Variants in DLG2 observed in about 807,000 individuals in gnomAD.
DLG2 encodes discs large MAGUK scaffold protein 2.
In DLG2, 45 loss-of-function variants were observed where a neutral mutation model predicts 132.5. That is an observed-to-expected ratio of 0.34 (90% CI 0.27 to 0.44). The LOEUF (loss-of-function observed/expected upper bound fraction) is 0.44, where lower values mean the gene tolerates loss of function less well. DLG2 is among the 20% of genes least tolerant of loss of function. DLG2 has a pLI of 1.00. For missense variants in DLG2, 1,045 were observed against 1,196.9 expected, an observed-to-expected ratio of 0.87 and a Z score of 1.87; for synonymous variants, 424 against 419.6, an observed-to-expected ratio of 1.01 and a Z score of -0.13.
intron 6 of DLG2, among the ~76,000 whole-genome samples, chr11:84,657,668 G>T (rs540488011): frequency 2.6e-5 from 4 of 152,076 alleles, no homozygotes; most frequent in Admixed American, 2.6e-4. Flanking sequence ...ATCTAATGCC[G>T]TTGTTAATCT....
intron 6 of DLG2, among the ~76,000 whole-genome samples, chr11:84,947,832 T>A (rs10898336): frequency 0.71 from 108,687 of 152,094 alleles, 39,973 homozygotes; most frequent in East Asian, 0.95. Flanking sequence ...TTTACTCTCA[T>A]AAGTGTCCTT....
At chr11:83,869,689 T>G (rs535878712) in intron 16 of DLG2, among the ~76,000 whole-genome samples, 7 of 152,170 alleles carry the variant, frequency 4.6e-5, no homozygotes, top group Non-Finnish European at 4.4e-5. Context: ...TTGGGAGACA[T>G]TTTTGGTGGG....
intron 8 of DLG2, among the ~76,000 whole-genome samples, chr11:84,247,886 A>G (rs761295840): frequency 7.9e-5 from 12 of 152,170 alleles, no homozygotes; most frequent in Non-Finnish European, 1.3e-4. Flanking sequence ...CTTGCAATGA[A>G]ATTATTTTTT....
At chr11:84,901,454 A>G (rs2090873789) in intron 6 of DLG2, among the ~76,000 whole-genome samples, 1 of 152,122 alleles carries the variant, frequency 6.6e-6, no homozygotes, top group Non-Finnish European at 1.5e-5. Context: ...CCACACATTC[A>G]ATATTCAATC....
In DLG2 at chr11:84,965,810, C is replaced by T. The variant is rs557191590; in HGVS notation, c.357+145851G>A. ...AAATAGGAGAACACGGGGAGATCGG[C>T]GCCTAAAAAAGGGCCTCTTATCTAA... On this transcript the variant is annotated intron_variant, in intron 6 of 27. Coordinates refer to ENST00000376104, the MANE Select transcript of DLG2 (RefSeq NM_001142699.3). Among the ~76,000 whole-genome samples, 50 of 152,028 alleles carry T rather than the reference C, an allele frequency of 3.3e-4. No individual in the cohort carries two copies. The South Asian group carries it at 3.7e-3, about 11-fold the overall frequency.
intron 4 of DLG2, among the ~76,000 whole-genome samples, chr11:85,224,707 A>G (rs2074869984): frequency 6.6e-6 from 1 of 152,180 alleles, no homozygotes; most frequent in Non-Finnish European, 1.5e-5. Context: ...TAATAAATCA[A>G]AATTTCTTTT....
At chr11:84,836,703 A>G (rs1379994729) in intron 6 of DLG2, among the ~76,000 whole-genome samples, 2 of 151,856 alleles carry the variant, frequency 1.3e-5, no homozygotes, top group African/African-American at 4.8e-5. Context: ...TGATTGCAAT[A>G]TAAGAAATCT....
rs558825957 is a variant in DLG2 at position 85,316,398 on chromosome 11, T to C, written c.41-31033A>G. On this transcript the variant is annotated intron_variant, in intron 3 of 27. Coordinates refer to ENST00000376104, the MANE Select transcript of DLG2 (RefSeq NM_001142699.3). ...GAGATGGACAGAAAGACAAGACTTA[T>C]ATTTTTAAATATCTGGTACTATCTC... Among the ~76,000 whole-genome samples, 90 of 152,144 alleles carry C rather than the reference T, an allele frequency of 5.9e-4. 2 individuals are homozygous for C. In the South Asian group the frequency reaches 0.018, roughly 31 times the overall value.
chr11:85,374,705 A>G (rs2085265737), intron 3 of DLG2, among the ~76,000 whole-genome samples: 2 of 152,206 alleles, frequency 1.3e-5, no homozygotes, highest in South Asian at 2.1e-4. Flanking sequence ...GGCACTCAAA[A>G]CCTAGAAACC....
At chr11:84,852,341 G>A (rs1339488536) in intron 6 of DLG2, among the ~76,000 whole-genome samples, 1 of 152,006 alleles carries the variant, frequency 6.6e-6, no homozygotes, top group Non-Finnish European at 1.5e-5. Flanking sequence ...TCAAGAAAAC[G>A]TGATGCAAGT....
At chr11:84,577,228 T>G (rs2099502946) in intron 6 of DLG2, among the ~76,000 whole-genome samples, 1 of 152,082 alleles carries the variant, frequency 6.6e-6, no homozygotes, top group Non-Finnish European at 1.5e-5. Context: ...TTATCAAAAG[T>G]GTGAAAATGA....
intron 6 of DLG2, among the ~76,000 whole-genome samples, chr11:84,650,863 GTGTGTGTGTGTATATATA>G (rs2099680803): frequency 2.2e-5 from 2 of 92,250 alleles, no homozygotes; most frequent in African/African-American, 4.5e-5. Flanking sequence ...GTGTGTGTGT[GTGTGTGTGTGTATATATA>G]TATATATATA....
chr11:84,859,555 C>T (rs527278267), intron 6 of DLG2, among the ~76,000 whole-genome samples: 1 of 150,264 alleles, frequency 6.7e-6, no homozygotes, highest in African/African-American at 2.4e-5. Flanking sequence ...TACTAAAATA[C>T]AAGTAATGTT....
At chr11:84,616,983 C>CTT (rs199665834) in intron 6 of DLG2, among the ~76,000 whole-genome samples, 4 of 142,292 alleles carry the variant, frequency 2.8e-5, no homozygotes, top group Non-Finnish European at 4.6e-5. Context: ...TCTTCCCTTT[C>CTT]TTTTTTTTTT....
chr11:84,654,025 A>G (rs1005730378), intron 6 of DLG2, among the ~76,000 whole-genome samples: 2 of 152,158 alleles, frequency 1.3e-5, no homozygotes, highest in African/African-American at 4.8e-5. Context: ...TATAAGACTG[A>G]ATGCTTTCTT....
At chr11:84,803,143 A>T (rs2153961715) in intron 6 of DLG2, among the ~76,000 whole-genome samples, 1 of 152,332 alleles carries the variant, frequency 6.6e-6, no homozygotes, top group East Asian at 1.9e-4. Flanking sequence ...ACTCTTGTCC[A>T]ACAAAATTGT....
intron 4 of DLG2, among the ~76,000 whole-genome samples, chr11:85,206,290 T>C (rs2081887713): frequency 6.6e-6 from 1 of 152,148 alleles, no homozygotes; most frequent in Non-Finnish European, 1.5e-5. Context: ...CCTATTTTCT[T>C]TATAAATTAC....
intron 6 of DLG2, among the ~76,000 whole-genome samples, chr11:84,580,731 A>T (rs1284446601): frequency 6.6e-6 from 1 of 152,228 alleles, no homozygotes; most frequent in Non-Finnish European, 1.5e-5. Flanking sequence ...CTTTGGCATG[A>T]ATATAGTATT....
chr11:84,480,971 T>A (rs188113281), intron 7 of DLG2, among the ~76,000 whole-genome samples: 13 of 152,128 alleles, frequency 8.5e-5, no homozygotes, highest in Admixed American at 7.2e-4. Flanking sequence ...ACTCCTTACC[T>A]CAGGTGGTCT....
Sources: gnomAD v4.1 joint callset for allele counts (sites outside exome capture counted in the v4.1 genomes callset) on GRCh38, gnomAD v4.1.1 for gene constraint, MANE v1.5 for transcripts, NCBI Gene and HGNC (gene_info 2026-07-23, HGNC 2026-07-21) for gene names.